The following CARMIL1 variants were observed in gnomAD, a reference collection of about 807,000 sequenced individuals.
CARMIL1 encodes capping protein regulator and myosin 1 linker 1.
A neutral mutation model predicts 177.1 loss-of-function variants in CARMIL1; 90 were observed. The observed-to-expected ratio is 0.51, with a 90% CI of 0.43 to 0.61. The LOEUF (loss-of-function observed/expected upper bound fraction) is 0.61, where lower values mean the gene tolerates loss of function less well. Among genes scored for constraint, CARMIL1 ranks in the 20% least tolerant of loss-of-function variants. The pLI, the probability that CARMIL1 is intolerant of heterozygous loss-of-function variation, is 0.00. For synonymous variants in CARMIL1, 577 were observed against 606.2 expected, an observed-to-expected ratio of 0.95 and a Z score of 0.71; for missense variants, 1,380 against 1,667.0, an observed-to-expected ratio of 0.83 and a Z score of 3.00.
intron 2 of CARMIL1, among the ~76,000 whole-genome samples, chr6:25,306,413 A>T (rs1028495775): frequency 6.6e-6 from 1 of 151,996 alleles, no homozygotes; most frequent in African/African-American, 2.4e-5. Context: ...CATTCAAGAG[A>T]TGTAGGCTGT....
chr6:25,337,963 A>C (rs1786448900), intron 2 of CARMIL1, among the ~76,000 whole-genome samples: 1 of 152,158 alleles, frequency 6.6e-6, no homozygotes, highest in African/African-American at 2.4e-5. Context: ...TGACTAGCGT[A>C]TGAGGGTGGG....
At chr6:25,466,603 T>A (rs2150925104) in intron 9 of CARMIL1, among the ~76,000 whole-genome samples, 1 of 152,310 alleles carries the variant, frequency 6.6e-6, no homozygotes, top group African/African-American at 2.4e-5. Flanking sequence ...AAAGAATTTA[T>A]ATGTTTTCCT....
At chr6:25,392,684 TTTC>T (rs1356693125) in intron 2 of CARMIL1, among the ~76,000 whole-genome samples, 1 of 152,196 alleles carries the variant, frequency 6.6e-6, no homozygotes, top group Non-Finnish European at 1.5e-5. Flanking sequence ...TGAATAAGTC[TTTC>T]TTGAGGCAAA....
chr6:25,482,013 A>G (rs553246983), intron 11 of CARMIL1, among the ~76,000 whole-genome samples: 2 of 152,362 alleles, frequency 1.3e-5, no homozygotes, highest in South Asian at 4.1e-4. Flanking sequence ...CAAGAAAAGT[A>G]TCTCCAATGG....
At chr6:25,572,695 C>G (rs1006322801) in intron 29 of CARMIL1, among the ~76,000 whole-genome samples, 1 of 116,642 alleles carries the variant, frequency 8.6e-6, no homozygotes, top group Non-Finnish European at 1.7e-5. Context: ...AGAGCCAGAC[C>G]TTGTCTCAAA....
chr6:25,343,543 G>A (rs79917354), intron 2 of CARMIL1, among the ~76,000 whole-genome samples: 7,957 of 152,010 alleles, frequency 0.052, 278 homozygotes, highest in Non-Finnish European at 0.088. Flanking sequence ...CTCATCACAC[G>A]TCTTATTCCC....
At chr6:25,410,188 G>GA (rs1181233046) in intron 2 of CARMIL1, among the ~76,000 whole-genome samples, 1 of 143,140 alleles carries the variant, frequency 7.0e-6, no homozygotes, top group Non-Finnish European at 1.5e-5. Context: ...TTCATTTGAT[G>GA]AAAATGCTAA....
At chr6:25,355,986 A>G (rs914931610) in intron 2 of CARMIL1, among the ~76,000 whole-genome samples, 2 of 151,444 alleles carry the variant, frequency 1.3e-5, no homozygotes, top group African/African-American at 4.9e-5. Context: ...CTCCTGCAAA[A>G]TGCCCCTAGC....
At chr6:25,524,431 C>G (rs1028472274) in intron 23 of CARMIL1, among the ~76,000 whole-genome samples, 3 of 152,148 alleles carry the variant, frequency 2.0e-5, no homozygotes, top group African/African-American at 4.8e-5. Context: ...AGCAAGGACA[C>G]TAGAGGAAAT....
intron 5 of CARMIL1, among the ~76,000 whole-genome samples, chr6:25,438,168 TAA>T (rs1762290328): frequency 1.3e-5 from 2 of 152,228 alleles, no homozygotes; most frequent in Admixed American, 6.5e-5. Flanking sequence ...TTCTCATCTG[TAA>T]AGAGAGTCTT....
At chr6:25,389,037 G>C (rs553224185) in intron 2 of CARMIL1, 24 of 152,348 alleles carry the variant, frequency 1.6e-4, no homozygotes, top group African/African-American at 5.5e-4. Context: ...AGGGGAATTA[G>C]CTTTTACTCC....
chr6:25,385,105 G>A (rs570980178), intron 2 of CARMIL1, among the ~76,000 whole-genome samples: 4 of 152,188 alleles, frequency 2.6e-5, no homozygotes, highest in Non-Finnish European at 5.9e-5. Context: ...ATAGTAATGT[G>A]GTGAGCTAAG....
chr6:25,284,202 A>G (rs902840927), intron 1 of CARMIL1, among the ~76,000 whole-genome samples: 2 of 152,188 alleles, frequency 1.3e-5, no homozygotes, highest in Admixed American at 6.5e-5. Flanking sequence ...GTAGTGTTTC[A>G]TCATACTGCC....
intron 33 of CARMIL1, among the ~76,000 whole-genome samples, chr6:25,601,264 G>A (rs967203224): frequency 4.9e-4 from 75 of 152,212 alleles, no homozygotes; most frequent in African/African-American, 1.7e-3. Flanking sequence ...ACTTTGGCCT[G>A]AGGGTCACAG....
At chr6:25,410,817 A>G (rs1794837624) in intron 2 of CARMIL1, among the ~76,000 whole-genome samples, 1 of 152,194 alleles carries the variant, frequency 6.6e-6, no homozygotes. Flanking sequence ...AAATTTATTT[A>G]TTCTTAAAAT....
At chr6:25,490,950 T>G (rs1469566575) in intron 13 of CARMIL1, among the ~76,000 whole-genome samples, 1 of 152,218 alleles carries the variant, frequency 6.6e-6, no homozygotes, top group East Asian at 1.9e-4. Flanking sequence ...TGGCATCCAG[T>G]GAAGCAGAGG....
intron 8 of CARMIL1, among the ~76,000 whole-genome samples, chr6:25,453,456 C>T (rs1799191178): frequency 6.6e-6 from 1 of 152,116 alleles, no homozygotes; most frequent in South Asian, 2.1e-4. Flanking sequence ...ACAGTGATCC[C>T]TTTGATATAT....
intron 2 of CARMIL1, among the ~76,000 whole-genome samples, chr6:25,314,575 C>CACACATATATATGTATGTATACATTCAT: frequency 6.6e-6 from 1 of 151,848 alleles, no homozygotes; most frequent in African/African-American, 2.4e-5. Context: ...TATACATTCA[C>CACACATATATATGTATGTATACATTCAT]ACATGCACTT....
chr6:25,502,485 C>T (rs914948377), intron 17 of CARMIL1, among the ~76,000 whole-genome samples: 6 of 149,062 alleles, frequency 4.0e-5, no homozygotes, highest in Non-Finnish European at 3.0e-5. Context: ...ACCTGGGAGG[C>T]GGAGGTTGCA....
Sources: allele counts gnomAD v4.1 joint callset (sites outside exome capture counted in the v4.1 genomes callset), GRCh38; gene constraint gnomAD v4.1.1; transcripts MANE v1.5; gene names NCBI Gene and HGNC (gene_info 2026-07-23, HGNC 2026-07-21).